The following RIMS1 variants were observed in gnomAD, a reference collection of about 807,000 sequenced individuals.
RIMS1 encodes regulating synaptic membrane exocytosis 1.
RIMS1 carries 83 observed loss-of-function variants against 214.1 expected under a neutral mutation model. The observed-to-expected ratio is 0.39, with a 90% CI of 0.32 to 0.47. RIMS1 has a LOEUF of 0.47. Among genes scored for constraint, RIMS1 ranks in the 20% least tolerant of loss-of-function variants. The probability of loss-of-function intolerance (pLI) is 0.99; values close to 1 mark genes in which losing one functional copy is unlikely to be tolerated. For synonymous variants in RIMS1, 793 were observed against 786.8 expected, an observed-to-expected ratio of 1.01 and a Z score of -0.13; for missense variants, 2,050 against 2,161.8, an observed-to-expected ratio of 0.95 and a Z score of 1.03.
chr6:72,320,031 G>A (rs964259348), intron 28 of RIMS1, among the ~76,000 whole-genome samples: 10 of 152,024 alleles, frequency 6.6e-5, no homozygotes, highest in Non-Finnish European at 1.0e-4. Flanking sequence ...TCTGAGAGAC[G>A]GCTAACACAT....
chr6:72,108,272 G>A (rs1224927899), intron 4 of RIMS1, among the ~76,000 whole-genome samples: 4 of 150,804 alleles, frequency 2.7e-5, no homozygotes. Flanking sequence ...GTGTGTATGT[G>A]GAGACTGGGG....
chr6:72,115,350 T>C (rs2036872026), intron 4 of RIMS1, among the ~76,000 whole-genome samples: 2 of 151,970 alleles, frequency 1.3e-5, no homozygotes, highest in South Asian at 2.1e-4. Flanking sequence ...ATACATAATG[T>C]ATATAGTATT....
At chr6:71,894,669 A>G (rs563112084) in intron 1 of RIMS1, among the ~76,000 whole-genome samples, 1 of 152,348 alleles carries the variant, frequency 6.6e-6, no homozygotes, top group Admixed American at 6.5e-5. Context: ...TTATTTAAAT[A>G]GATTTTGGGA....
intron 2 of RIMS1, among the ~76,000 whole-genome samples, chr6:72,037,504 G>A (rs571128695): frequency 2.6e-5 from 4 of 151,924 alleles, no homozygotes; most frequent in South Asian, 2.1e-4. Flanking sequence ...GATCCCTTGA[G>A]GTTTTAGTTT....
At chr6:72,264,931 A>T (rs369673501) in intron 19 of RIMS1, 44 bp from the exon 20 acceptor site, 18 of 1,258,070 alleles carry the variant, frequency 1.4e-5, no homozygotes, top group Non-Finnish European at 2.0e-5. Flanking sequence ...TTGGTTTCAT[A>T]TATATTTTTC....
rs774714299 is a variant in RIMS1 at position 72,313,590 on chromosome 6, A to G, written c.4048A>G (p.Ile1350Val). Reference protein sequence around the residue: ...SDSDVSDVSAISRTSSASRLS... With the variant: ...SDSDVSDVSAVSRTSSASRLS... ...TAGTGATGTCAGTGATGTTTCCGCCATTTCCCGAACCAGCAGTGCCTCACG... is the reference window on the plus strand; with the variant it reads ...TAGTGATGTCAGTGATGTTTCCGCCGTTTCCCGAACCAGCAGTGCCTCACG... Residue 1350 changes from isoleucine (I) to valine (V), a missense_variant, in exon 28 of 34, where the codon ATT (isoleucine) becomes GTT (valine). This residue lies in a region of RIMS1 where 889 missense variants were observed against 885.5 expected (regional missense o/e 1.00). Transcript: ENST00000521978. The G allele has an allele frequency of 3.7e-6, 6 of 1,613,672 alleles. No homozygotes were observed. The African/African-American group carries it at 5.3e-5, about 14-fold the overall frequency.
At chr6:71,950,217 G>C (rs1275109117) in intron 1 of RIMS1, among the ~76,000 whole-genome samples, 1 of 152,144 alleles carries the variant, frequency 6.6e-6, no homozygotes, top group Non-Finnish European at 1.5e-5. Flanking sequence ...GAAAGGGGAA[G>C]GAGGTTGACT....
chr6:72,009,705 C>A (rs199825804), intron 2 of RIMS1, among the ~76,000 whole-genome samples: 1 of 152,140 alleles, frequency 6.6e-6, no homozygotes, highest in Non-Finnish European at 1.5e-5. Flanking sequence ...CACCACTACG[C>A]AAATAAACTA....
At chr6:72,324,708 T>A (rs2096369958) in intron 28 of RIMS1, among the ~76,000 whole-genome samples, 1 of 151,922 alleles carries the variant, frequency 6.6e-6, no homozygotes, top group African/African-American at 2.4e-5. Context: ...CAGATCACAG[T>A]GAGCAAACTA....
intron 2 of RIMS1, among the ~76,000 whole-genome samples, chr6:72,013,829 C>T (rs1346316132): frequency 2.0e-5 from 3 of 152,134 alleles, no homozygotes; most frequent in African/African-American, 7.2e-5. Context: ...TATGTAATTG[C>T]AGTACATTTT....
intron 2 of RIMS1, among the ~76,000 whole-genome samples, chr6:72,031,604 A>G (rs1267217417): frequency 6.6e-6 from 1 of 152,132 alleles, no homozygotes; most frequent in East Asian, 1.9e-4. Flanking sequence ...ATATGAGTAA[A>G]CACTCAGAAA....
In RIMS1 at chr6:72,054,315, T is replaced by C. The variant is rs1825555793; in HGVS notation, c.246-42634T>C. Among the ~76,000 whole-genome samples the C allele has an allele frequency of 3.3e-5, 5 of 152,254 alleles. No homozygotes were observed. In the South Asian group the frequency reaches 1.0e-3, roughly 32 times the overall value. ...GTATATATGTGCCACATTTTCTTTA[T>C]GCAGTCTATCATTGGTGGGCATTTG... On this transcript the variant is annotated intron_variant, in intron 2 of 33. Coordinates refer to ENST00000521978, the MANE Select transcript of RIMS1 (RefSeq NM_014989.7).
intron 2 of RIMS1, among the ~76,000 whole-genome samples, chr6:72,051,546 T>A (rs986549690): frequency 3.3e-5 from 5 of 152,166 alleles, no homozygotes; most frequent in Admixed American, 2.0e-4. Flanking sequence ...ATGTAATGCC[T>A]AGTCGTGGCT....
chr6:71,911,325 T>C (rs887873950), intron 1 of RIMS1, among the ~76,000 whole-genome samples: 6 of 152,144 alleles, frequency 3.9e-5, no homozygotes, highest in African/African-American at 1.2e-4. Flanking sequence ...GCCCCTTGGG[T>C]AGAAGATCTT....
chr6:72,110,721 C>G (rs1261887114), intron 4 of RIMS1, among the ~76,000 whole-genome samples: 1 of 151,874 alleles, frequency 6.6e-6, no homozygotes, highest in African/African-American at 2.4e-5. Flanking sequence ...TAGCCCTGGC[C>G]AGAACTTCCA....
At chr6:71,994,935 T>C (rs1183742552) in intron 2 of RIMS1, among the ~76,000 whole-genome samples, 1 of 152,236 alleles carries the variant, frequency 6.6e-6, no homozygotes, top group Non-Finnish European at 1.5e-5. Context: ...CCAACTCTTT[T>C]GTTCTAGTCT....
intron 29 of RIMS1, among the ~76,000 whole-genome samples, chr6:72,343,492 C>CTTTTTTT (rs764125827): frequency 5.9e-3 from 339 of 57,272 alleles, no homozygotes; most frequent in East Asian, 7.7e-3. Context: ...TCTTCTTCTT[C>CTTTTTTT]TTTTTTTTTT....
chr6:72,057,454 C>G lies in RIMS1; in HGVS notation c.246-39495C>G, dbSNP rs1156404834. 2.7e-5 allele frequency among the ~76,000 whole-genome samples: 4 copies of G among 148,206 alleles called. No homozygotes were observed. The East Asian group carries it at 7.9e-4, about 29-fold the overall frequency. ...TAACCTTCTCTACTAGTTAAAGGTT[C>G]TGTTGTTATGTAATTATTGTCCAAA... On this transcript the variant is annotated intron_variant, in intron 2 of 33. Coordinates refer to ENST00000521978, the MANE Select transcript of RIMS1 (RefSeq NM_014989.7).
At chr6:72,017,049 G>C (rs760172946) in intron 2 of RIMS1, among the ~76,000 whole-genome samples, 6 of 152,138 alleles carry the variant, frequency 3.9e-5, no homozygotes, top group Non-Finnish European at 8.8e-5. Flanking sequence ...ATTGCCTCTT[G>C]AGAAAAGCGC....
Sources: gnomAD v4.1 joint callset for allele counts (sites outside exome capture counted in the v4.1 genomes callset) on GRCh38, gnomAD v4.1.1 for gene constraint, gnomAD v4.1.1 regional missense constraint, MANE v1.5 for transcripts, NCBI Gene and HGNC (gene_info 2026-07-23, HGNC 2026-07-21) for gene names.